The following OGDH variants were observed in gnomAD, a reference collection of about 807,000 sequenced individuals.
The protein encoded by OGDH is 2-oxoglutarate dehydrogenase complex component E1.
In OGDH, 38 loss-of-function variants were observed where a neutral mutation model predicts 116.6. That is an observed-to-expected ratio of 0.33 (90% confidence interval 0.25 to 0.43). The LOEUF is 0.43. Ranked by LOEUF, OGDH falls within the 20% of genes least tolerant of loss-of-function variation. The pLI, the probability that OGDH is intolerant of heterozygous loss-of-function variation, is 1.00. For missense variants in OGDH, 825 were observed against 1,357.2 expected (o/e 0.61, Z 6.16); for synonymous variants, 488 against 533.3 (o/e 0.92, Z 1.17).
At chr7:44,610,366 A>C (rs1562604499) in intron 1 of OGDH, among the ~76,000 whole-genome samples, 2 of 151,864 alleles carry the variant, frequency 1.3e-5, no homozygotes, top group Admixed American at 6.6e-5. Context: ...GCTGGAGTGC[A>C]GTGGCGTAAT....
chr7:44,624,288 C>CTTTTTT (rs1301210828), intron 1 of OGDH, 29 bp from the exon 2 acceptor site: 10 of 1,157,280 alleles, frequency 8.6e-6, no homozygotes, highest in African/African-American at 7.7e-5. Context: ...ACCTTTCTTT[C>CTTTTTT]TTGTTTTTTT....
intron 1 of OGDH, among the ~76,000 whole-genome samples, chr7:44,607,455 G>A (rs932104783): frequency 2.6e-5 from 4 of 152,258 alleles, no homozygotes; most frequent in African/African-American, 9.6e-5. Context: ...TTCGTGTTAG[G>A]GTTTCCTTGT....
Position 44,697,506 on chromosome 7 carries a change from C to G in OGDH, c.2179+9C>G, listed in dbSNP as rs1562685801. The G allele has an allele frequency of 6.2e-7, 1 of 1,613,962 alleles. No homozygotes were observed. On this transcript the variant is annotated intron_variant, in intron 16 of 22. Transcript: ENST00000222673. The surrounding 1 kb of genome is among the most constrained non-coding windows in gnomAD (Gnocchi z 6.0). ...TGAGTACGGCGTGCTGGGTGAGTGCCTGGAGCCACACCACCAGGGCCTGTC... is the reference window on the plus strand; with the variant it reads ...TGAGTACGGCGTGCTGGGTGAGTGCGTGGAGCCACACCACCAGGGCCTGTC...
chr7:44,690,964 T>C, intron 10 of OGDH, among the ~76,000 whole-genome samples: 1 of 152,200 alleles, frequency 6.6e-6, no homozygotes, highest in East Asian at 1.9e-4. Context: ...TGTCTGACTA[T>C]TTCTGATCAT....
At chr7:44,691,981 T>TTAAAAAAAAAAAAAAAAAA (rs1228471357) in intron 10 of OGDH, among the ~76,000 whole-genome samples, 4 of 102,634 alleles carry the variant, frequency 3.9e-5, no homozygotes, top group African/African-American at 1.8e-4. Flanking sequence ...GACTCTGTCT[T>TTAAAAAAAAAAAAAAAAAA]AAAAAAAAAA....
chr7:44,656,503 A>G (rs1478108005), intron 4 of OGDH: 1 of 732,362 alleles, frequency 1.4e-6, no homozygotes, highest in Non-Finnish European at 2.3e-6. Context: ...TTGTTCTGAA[A>G]TGTGTTTTTC....
At chr7:44,660,045 T>C (rs993397114) in intron 4 of OGDH, among the ~76,000 whole-genome samples, 8 of 152,226 alleles carry the variant, frequency 5.3e-5, no homozygotes, top group African/African-American at 1.7e-4. Flanking sequence ...GTCCCTCTTT[T>C]CTGATGTATT....
chr7:44,620,562 C>T lies in OGDH; in HGVS notation c.-27-3755C>T, dbSNP rs192008381. ...CTTTAGACGTGGAACTCTAGTTGTC[C>T]CAGCACCTTCAGTTGAAAAGACTGT... On this transcript the variant is annotated intron_variant, in intron 1 of 22. Coordinates refer to ENST00000222673, the MANE Select transcript of OGDH (RefSeq NM_002541.4). Among the ~76,000 whole-genome samples the T allele has an allele frequency of 2.6e-4, 40 of 152,214 alleles. 1 individual carries two copies. Among genetic ancestry groups the T allele is most frequent in the Admixed American group, 2.5e-3 (38 of 15,282 alleles).
At chr7:44,610,488 GAGACGGGGTT>G (rs1784520351) in intron 1 of OGDH, among the ~76,000 whole-genome samples, 1 of 151,980 alleles carries the variant, frequency 6.6e-6, no homozygotes, top group African/African-American at 2.4e-5. Flanking sequence ...ATTTTTAGTA[GAGACGGGGTT>G]TCACCGTGTT....
Position 44,654,043 on chromosome 7 carries a change from C to T in OGDH, c.517+6284C>T, listed in dbSNP as rs575645447. Among the ~76,000 whole-genome samples, 4 of 152,046 alleles carry T rather than the reference C, an allele frequency of 2.6e-5. No individual in the cohort carries two copies. In the South Asian group the frequency reaches 8.3e-4, roughly 32 times the overall value. On this transcript the variant is annotated intron_variant, in intron 4 of 22. Transcript: ENST00000222673. The stretch of plus-strand genomic sequence containing the variant: ...TTAATTTTTGTATTTTTAGTAGAGA[C>T]GGTGTTTCACCATGTTGTCCAGCCT...
At chr7:44,654,815 G>C (rs1344565795) in intron 4 of OGDH, among the ~76,000 whole-genome samples, 1 of 152,146 alleles carries the variant, frequency 6.6e-6, no homozygotes. Flanking sequence ...TCCTGCTTCT[G>C]TGCTTCACTT....
intron 1 of OGDH, among the ~76,000 whole-genome samples, chr7:44,612,595 G>C (rs571821612): frequency 3.3e-5 from 5 of 152,146 alleles, no homozygotes; most frequent in Admixed American, 3.3e-4. Flanking sequence ...ATGTTGGCCA[G>C]GCTGGTCTTG....
intron 1 of OGDH, among the ~76,000 whole-genome samples, chr7:44,612,768 C>T (rs1042820164): frequency 1.1e-4 from 17 of 152,158 alleles, no homozygotes; most frequent in African/African-American, 3.4e-4. Context: ...ATTATCACAG[C>T]TCACTGCAGC....
In OGDH at chr7:44,666,692, C is replaced by A. The variant is rs748642166; in HGVS notation, c.518-44C>A. 1.3e-4 allele frequency: 148 copies of A among 1,165,158 alleles called. 2 individuals carry two copies. In the Middle Eastern group the frequency reaches 9.9e-3, roughly 78 times the overall value. 72.2% of individuals were successfully genotyped at this position (1,165,158 alleles called of 1,614,324 possible). Reference sequence around the variant, plus strand: ...ACTGTGGTCCCTGCATGGCTGTGCCCCATCCCTCCTCATCTGGCTTGTCCT... The same window carrying A: ...ACTGTGGTCCCTGCATGGCTGTGCCACATCCCTCCTCATCTGGCTTGTCCT... On this transcript the variant is annotated intron_variant, in intron 4 of 22. Coordinates refer to ENST00000222673, the MANE Select transcript of OGDH (RefSeq NM_002541.4).
intron 2 of OGDH, among the ~76,000 whole-genome samples, chr7:44,644,173 G>A (rs536489337): frequency 6.8e-4 from 103 of 152,354 alleles, no homozygotes; most frequent in African/African-American, 2.5e-3. Flanking sequence ...CCACCACACT[G>A]CCTGGGCAAC....
intron 4 of OGDH, among the ~76,000 whole-genome samples, chr7:44,649,245 G>GTTTTTTTTTTT (rs373846462): frequency 1.0e-5 from 1 of 97,724 alleles, no homozygotes; most frequent in African/African-American, 4.2e-5. Context: ...ATTTTCTGTT[G>GTTTTTTTTTTT]TTTTTTTTTT....
At chr7:44,699,609 C>T (rs962929111) in intron 18 of OGDH, among the ~76,000 whole-genome samples, 10 of 152,026 alleles carry the variant, frequency 6.6e-5, no homozygotes, top group Admixed American at 6.6e-4. Flanking sequence ...TGAGGCTGGC[C>T]GAAGGAGCTT....
At chr7:44,632,376 T>C (rs1482772575) in intron 2 of OGDH, among the ~76,000 whole-genome samples, 2 of 152,130 alleles carry the variant, frequency 1.3e-5, no homozygotes, top group Non-Finnish European at 2.9e-5. Context: ...GCCTCAAACT[T>C]CTGGGCTCAA....
intron 1 of OGDH, among the ~76,000 whole-genome samples, chr7:44,616,760 T>TGCATATATATATGTGTATATATATGC (rs1305656095): frequency 2.1e-5 from 3 of 146,038 alleles, no homozygotes; most frequent in African/African-American, 7.5e-5. Context: ...TATGTGTATA[T>TGCATATATATATGTGTATATATATGC]ATATACACGT....
Sources: gnomAD v4.1 joint callset for allele counts (sites outside exome capture counted in the v4.1 genomes callset) on GRCh38, gnomAD v4.1.1 for gene constraint, Gnocchi (gnomAD v3.1) non-coding constraint, MANE v1.5 for transcripts, NCBI Gene and HGNC (gene_info 2026-07-23, HGNC 2026-07-21) for gene names.